The following PDE1C variants were observed in gnomAD, a reference collection of about 807,000 sequenced individuals.
PDE1C encodes the protein dual specificity calcium/calmodulin-dependent 3',5'-cyclic nucleotide phosphodiesterase 1C.
In PDE1C, 62 loss-of-function variants were observed where a neutral mutation model predicts 93.1. The observed-to-expected ratio is 0.67, with a 90% CI of 0.54 to 0.82. PDE1C has a LOEUF of 0.82. PDE1C is among the 40% of genes least tolerant of loss of function. PDE1C has a pLI of 0.00. For missense variants in PDE1C, 742 were observed against 884.6 expected, an observed-to-expected ratio of 0.84 and a Z score of 2.04; for synonymous variants, 325 against 310.1, an observed-to-expected ratio of 1.05 and a Z score of -0.50.
At chr7:31,642,724 G>T in the PDE1C span, 1 of 1,613,954 alleles carries the variant, frequency 6.2e-7, no homozygotes, top group Non-Finnish European at 8.5e-7. Flanking sequence ...TGAGAATGGA[G>T]GTAGAAAGCC....
chr7:31,914,845 G>C (rs779682990), intron 2 of PDE1C, among the ~76,000 whole-genome samples: 1 of 152,020 alleles, frequency 6.6e-6, no homozygotes, highest in Non-Finnish European at 1.5e-5. Flanking sequence ...AATTATGAAG[G>C]GCATCATTAC....
chr7:31,680,233 G>T, the PDE1C span, among the ~76,000 whole-genome samples: 1 of 152,132 alleles, frequency 6.6e-6, no homozygotes, highest in African/African-American at 2.4e-5. Flanking sequence ...TCATACAATT[G>T]CCAGATGTCC....
intron 2 of PDE1C, among the ~76,000 whole-genome samples, chr7:31,921,213 C>A (rs1458901856): frequency 6.6e-6 from 1 of 152,174 alleles, no homozygotes; most frequent in Non-Finnish European, 1.5e-5. Flanking sequence ...GACTTAGTTT[C>A]CTCCAAGCAG....
intron 2 of PDE1C, among the ~76,000 whole-genome samples, chr7:32,037,152 G>A (rs1791214038): frequency 6.6e-6 from 1 of 152,164 alleles, no homozygotes; most frequent in South Asian, 2.1e-4. Flanking sequence ...GGAAGTTGTA[G>A]GAGTCTTTAT....
At chr7:31,671,153 G>A in the PDE1C span, among the ~76,000 whole-genome samples, 2 of 152,156 alleles carry the variant, frequency 1.3e-5, no homozygotes, top group African/African-American at 4.8e-5. Context: ...GCAAAAGGCT[G>A]CCACACTGAC....
At chr7:31,800,224 A>T (rs1236657351) in intron 16 of PDE1C, among the ~76,000 whole-genome samples, 1 of 151,506 alleles carries the variant, frequency 6.6e-6, no homozygotes, top group Non-Finnish European at 1.5e-5. Flanking sequence ...CTGCCTTTTT[A>T]TTCTCCTAAT....
Position 32,085,916 on chromosome 7 carries a change from T to C in PDE1C, c.308+83869A>G, listed in dbSNP as rs899647298. Among the ~76,000 whole-genome samples, 248 of 148,288 alleles carry C rather than the reference T, an allele frequency of 1.7e-3. 1 individual carries two copies. The highest frequency in any genetic ancestry group is 5.8e-3 in the African/African-American group (233 of 39,958). On this transcript the variant is annotated intron_variant, in intron 3 of 18. Coordinates refer to the PDE1C transcript ENST00000396193. ...AATATCATACTGAATGGGCAAAAACTGGAAGCATTCCCTTTGAAAACTGAC... is the reference window on the plus strand; with the variant it reads ...AATATCATACTGAATGGGCAAAAACCGGAAGCATTCCCTTTGAAAACTGAC...
intron 1 of PDE1C, among the ~76,000 whole-genome samples, chr7:32,360,983 A>G (rs542459724): frequency 3.9e-5 from 6 of 152,324 alleles, no homozygotes; most frequent in South Asian, 2.1e-4. Context: ...CTTAAAAACA[A>G]TCGTAGGAAG....
In PDE1C at chr7:32,152,396, C is replaced by A. The variant is rs150010895; in HGVS notation, c.308+17389G>T. Among the ~76,000 whole-genome samples the A allele has an allele frequency of 2.6e-5, 4 of 152,150 alleles. No homozygotes were observed. The East Asian group carries it at 5.8e-4, about 22-fold the overall frequency. On this transcript the variant is annotated intron_variant, in intron 3 of 18. Coordinates refer to the PDE1C transcript ENST00000396193. ...ATGAGCAGTGTGTCAGCGAAAGGCACCAAAACAGCATAGGCATCCTCTGGC... is the reference window on the plus strand; with the variant it reads ...ATGAGCAGTGTGTCAGCGAAAGGCAACAAAACAGCATAGGCATCCTCTGGC...
intron 3 of PDE1C, among the ~76,000 whole-genome samples, chr7:32,146,257 C>A (rs1358667719): frequency 6.6e-6 from 1 of 152,156 alleles, no homozygotes; most frequent in Non-Finnish European, 1.5e-5. Context: ...CCCATTGCCA[C>A]TGGAGCAAAT....
chr7:31,801,553 G>A (rs1786042111), intron 16 of PDE1C, among the ~76,000 whole-genome samples: 1 of 151,374 alleles, frequency 6.6e-6, no homozygotes, highest in South Asian at 2.1e-4. Context: ...TTGTTTCCTT[G>A]CTGATTTTCA....
At chr7:32,069,882 T>C (rs988657416) in intron 1 of PDE1C, among the ~76,000 whole-genome samples, 3 of 152,162 alleles carry the variant, frequency 2.0e-5, no homozygotes, top group African/African-American at 7.2e-5. Context: ...TAACTGTTGG[T>C]AAGTTCTTGG....
At chr7:31,887,922 T>C (rs1468016261) in intron 2 of PDE1C, among the ~76,000 whole-genome samples, 1 of 152,112 alleles carries the variant, frequency 6.6e-6, no homozygotes, top group Non-Finnish European at 1.5e-5. Context: ...AGCCTTGTAG[T>C]ATGCAGCTAA....
intron 1 of PDE1C, among the ~76,000 whole-genome samples, chr7:32,424,111 G>A (rs190637447): frequency 5.9e-5 from 9 of 152,282 alleles, no homozygotes; most frequent in Admixed American, 4.6e-4. Flanking sequence ...TTCCACTAGT[G>A]AGATCTGAAA....
At chr7:32,237,074 T>C (rs1808142261) in intron 1 of PDE1C, among the ~76,000 whole-genome samples, 1 of 147,082 alleles carries the variant, frequency 6.8e-6, no homozygotes, top group Non-Finnish European at 1.5e-5. Flanking sequence ...AATCTATTCA[T>C]GTAATATTCT....
At chr7:32,315,344 G>A (rs1783146096) in intron 1 of PDE1C, among the ~76,000 whole-genome samples, 1 of 151,644 alleles carries the variant, frequency 6.6e-6, no homozygotes, top group South Asian at 2.1e-4. Flanking sequence ...TATTTAAATT[G>A]TGAATTAAAA....
chr7:32,330,823 CAGAAGTTA>C (rs1480711426), intron 1 of PDE1C, among the ~76,000 whole-genome samples: 1 of 152,170 alleles, frequency 6.6e-6, no homozygotes, highest in East Asian at 1.9e-4. Context: ...ATGGGTGGGA[CAGAAGTTA>C]AGGCCAGAGA....
intron 2 of PDE1C, among the ~76,000 whole-genome samples, chr7:31,909,100 G>A (rs1160959035): frequency 6.6e-6 from 1 of 151,976 alleles, no homozygotes; most frequent in Admixed American, 6.6e-5. Flanking sequence ...CTCTTATTAT[G>A]TATCTCCTAC....
intron 2 of PDE1C, among the ~76,000 whole-genome samples, chr7:31,980,192 G>A (rs990067682): frequency 3.0e-4 from 45 of 152,228 alleles, no homozygotes; most frequent in African/African-American, 9.9e-4. Flanking sequence ...AGCACAAAGC[G>A]GGCCAGGTCC....
Sources: allele counts gnomAD v4.1 joint callset (sites outside exome capture counted in the v4.1 genomes callset), GRCh38; gene constraint gnomAD v4.1.1; transcripts MANE v1.5; gene names NCBI Gene and HGNC (gene_info 2026-07-23, HGNC 2026-07-21).